The following SERPINI1 variants were observed in gnomAD, a reference collection of about 807,000 sequenced individuals.
SERPINI1 encodes serpin family I member 1, also known as neuroserpin.
In SERPINI1, 19 loss-of-function variants were observed where a neutral mutation model predicts 41.1. The ratio of observed to expected loss-of-function variants is 0.46; its 90% confidence interval spans 0.32 to 0.68. The LOEUF is 0.68. Among genes scored for constraint, SERPINI1 ranks in the 30% least tolerant of loss-of-function variants. The probability of loss-of-function intolerance (pLI) is 0.03; values close to 1 mark genes in which losing one functional copy is unlikely to be tolerated. For synonymous variants in SERPINI1, 138 were observed against 156.6 expected, an observed-to-expected ratio of 0.88 and a Z score of 0.89; for missense variants, 460 against 479.2, an observed-to-expected ratio of 0.96 and a Z score of 0.37.
At chr3:167,811,078 C>A (rs1382916263) in intron 6 of SERPINI1, among the ~76,000 whole-genome samples, 2 of 151,926 alleles carry the variant, frequency 1.3e-5, no homozygotes, top group African/African-American at 4.8e-5. Context: ...TTACTTCCTA[C>A]AATGAAATTT....
intron 1 of SERPINI1, among the ~76,000 whole-genome samples, chr3:167,770,496 CTG>C (rs1726713580): frequency 6.6e-6 from 1 of 152,022 alleles, no homozygotes; most frequent in Non-Finnish European, 1.5e-5. Context: ...TATCTTATCA[CTG>C]TTTTTATTCC....
At chr3:167,759,662 C>T (rs1726316692) in intron 1 of SERPINI1, among the ~76,000 whole-genome samples, 1 of 151,958 alleles carries the variant, frequency 6.6e-6, no homozygotes, top group African/African-American at 2.4e-5. Context: ...TGAAAAGCTA[C>T]CTGTTGGATA....
chr3:167,768,734 T>G (rs1248759940), intron 1 of SERPINI1, among the ~76,000 whole-genome samples: 4 of 152,184 alleles, frequency 2.6e-5, no homozygotes, highest in East Asian at 3.9e-4. Flanking sequence ...TCCCTGAAGA[T>G]CCTACTGAAT....
At chr3:167,823,809 A>G (rs1712423769) in intron 7 of SERPINI1, among the ~76,000 whole-genome samples, 1 of 152,214 alleles carries the variant, frequency 6.6e-6, no homozygotes, top group African/African-American at 2.4e-5. Flanking sequence ...TAGTAGCCTC[A>G]GGCATCAAGA....
chr3:167,801,874 C>T (rs1727910410), intron 5 of SERPINI1, among the ~76,000 whole-genome samples: 1 of 152,138 alleles, frequency 6.6e-6, no homozygotes, highest in Non-Finnish European at 1.5e-5. Context: ...CAAGGTCTTA[C>T]AAACACCTAG....
chr3:167,795,174 AT>A (rs1468721662), intron 5 of SERPINI1, among the ~76,000 whole-genome samples: 1 of 152,100 alleles, frequency 6.6e-6, no homozygotes, highest in Non-Finnish European at 1.5e-5. Context: ...TATCATTTGC[AT>A]TGACAGTCTT....
chr3:167,758,999 T>G (rs2108538844), intron 1 of SERPINI1, among the ~76,000 whole-genome samples: 1 of 152,308 alleles, frequency 6.6e-6, no homozygotes, highest in African/African-American at 2.4e-5. Context: ...GATACAGATG[T>G]TTTTATGATC....
intron 1 of SERPINI1, among the ~76,000 whole-genome samples, chr3:167,780,901 C>T (rs1265077241): frequency 1.3e-5 from 2 of 152,146 alleles, no homozygotes; most frequent in Non-Finnish European, 2.9e-5. Context: ...AAAGTACACA[C>T]TTGTCTAGGC....
At chr3:167,785,940 G>C (rs13060184) in intron 1 of SERPINI1, among the ~76,000 whole-genome samples, 19,212 of 152,060 alleles carry the variant, frequency 0.13, 1,457 homozygotes, top group African/African-American at 0.21. Flanking sequence ...AGATATATTT[G>C]AACAAATGAG....
chr3:167,761,092 A>G (rs929801453), intron 1 of SERPINI1, among the ~76,000 whole-genome samples: 4 of 152,184 alleles, frequency 2.6e-5, no homozygotes, highest in African/African-American at 4.8e-5. Flanking sequence ...CTCACGTGTG[A>G]TCTTTTGCCC....
intron 1 of SERPINI1, among the ~76,000 whole-genome samples, chr3:167,744,728 A>AAT (rs554815207): frequency 1.6e-5 from 2 of 127,682 alleles, no homozygotes; most frequent in African/African-American, 3.0e-5. Context: ...TAAATATATA[A>AAT]ATATATATAT....
Position 167,794,648 on chromosome 3 carries a change from T to C in SERPINI1, c.705T>C (p.Ala235=). 1 of 1,613,578 alleles carries C rather than the reference T, an allele frequency of 6.2e-7. No individual in the cohort carries two copies. The highest frequency in any genetic ancestry group is 8.5e-7 in the Non-Finnish European group (1 of 1,179,744). The change falls in exon 5 of 9, where the codon GCT becomes GCC. Residue 235 remains alanine, a synonymous_variant. Transcript: ENST00000446050. ...AATTTAGTGATGGCTCCAATGAAGCTGGTGGTATCTACCAAGTCCTAGAAA... is the reference window on the plus strand; with the variant it reads ...AATTTAGTGATGGCTCCAATGAAGCCGGTGGTATCTACCAAGTCCTAGAAA... ...YGEFSDGSNE[A]GGIYQVLEIP... is the part of the protein sequence containing the mutation.
chr3:167,794,703 A>T lies in SERPINI1; in HGVS notation c.760A>T (p.Met254Leu). 2 of 1,613,776 alleles carry T rather than the reference A, an allele frequency of 1.2e-6. No homozygotes were observed. Among genetic ancestry groups the T allele is most frequent in the Non-Finnish European group, 1.7e-6 (2 of 1,179,822 alleles). ...IPYEGDEISM[M>L]LVLSRQEVPL... is the part of the protein sequence containing the mutation. ...ATATGAAGGAGATGAAATAAGCATG[A>T]TGCTGGTGCTGTCCAGACAGGAAGT... Residue 254 changes from methionine to leucine, a missense_variant, in exon 5 of 9, where the codon ATG becomes TTG. Physicochemically the swap from Met to Leu is conservative, Grantham distance 15. Transcript: ENST00000446050.
intron 1 of SERPINI1, among the ~76,000 whole-genome samples, chr3:167,756,762 C>G (rs554882240): frequency 6.6e-6 from 1 of 152,324 alleles, no homozygotes; most frequent in East Asian, 1.9e-4. Context: ...TAGTCCACCA[C>G]TGCAGTTATT....
intron 8 of SERPINI1, among the ~76,000 whole-genome samples, chr3:167,824,936 C>G (rs767652331): frequency 5.3e-5 from 8 of 151,918 alleles, no homozygotes; most frequent in Non-Finnish European, 1.0e-4. Flanking sequence ...ATCCTAGCTA[C>G]TAGAGGTGTT....
At chr3:167,788,194 G>A (rs932825435) in intron 1 of SERPINI1, among the ~76,000 whole-genome samples, 1 of 152,116 alleles carries the variant, frequency 6.6e-6, no homozygotes, top group Non-Finnish European at 1.5e-5. Flanking sequence ...GGCTGTTTGT[G>A]GGAAGACAGG....
At chr3:167,821,370 G>A (rs1015820825) in intron 6 of SERPINI1, among the ~76,000 whole-genome samples, 4 of 152,150 alleles carry the variant, frequency 2.6e-5, no homozygotes, top group East Asian at 1.9e-4. Context: ...TGCGGTTCCC[G>A]GTGTCTCCAA....
rs1712116077 is a variant in SERPINI1 at position 167,817,005 on chromosome 3, G to A, written c.980-5981G>A. On this transcript the variant is annotated intron_variant, in intron 6 of 8. Coordinates refer to ENST00000446050, the MANE Select transcript of SERPINI1 (RefSeq NM_001122752.2). ...CTTATAGTTTATACTGAGCAGGTAT[G>A]GAGGTTTGCAATATACTGAAGGTGA... Among the ~76,000 whole-genome samples, 6 of 152,152 alleles carry A rather than the reference G, an allele frequency of 3.9e-5. No individual in the cohort carries two copies. In the South Asian group the frequency reaches 1.0e-3, roughly 26 times the overall value.
chr3:167,773,102 C>T (rs1726845802), intron 1 of SERPINI1, among the ~76,000 whole-genome samples: 1 of 151,466 alleles, frequency 6.6e-6, no homozygotes, highest in South Asian at 2.1e-4. Context: ...GCCTGCATTT[C>T]ATCATGACTA....
Sources: gnomAD v4.1 joint callset for allele counts (sites outside exome capture counted in the v4.1 genomes callset) on GRCh38, gnomAD v4.1.1 for gene constraint, MANE v1.5 for transcripts, NCBI Gene and HGNC (gene_info 2026-07-23, HGNC 2026-07-21) for gene names.